Variants in NWD2 observed in about 807,000 individuals in gnomAD.
NWD2 encodes the protein NACHT and WD repeat domain-containing protein 2.
In NWD2, 37 loss-of-function variants were observed where a neutral mutation model predicts 132.7. The observed-to-expected ratio is 0.28, with a 90% CI of 0.21 to 0.37. The LOEUF is 0.37. Ranked by LOEUF, NWD2 falls within the 10% of genes least tolerant of loss-of-function variation. The pLI, the probability that NWD2 is intolerant of heterozygous loss-of-function variation, is 1.00. For missense variants in NWD2, 1,592 were observed against 2,122.4 expected, an observed-to-expected ratio of 0.75 and a Z score of 4.91; for synonymous variants, 705 against 803.0, an observed-to-expected ratio of 0.88 and a Z score of 2.06.
intron 3 of NWD2, among the ~76,000 whole-genome samples, chr4:37,364,013 TC>T: frequency 6.6e-6 from 1 of 150,742 alleles, no homozygotes; most frequent in Admixed American, 6.6e-5. Flanking sequence ...ATGCCTGTAA[TC>T]CCAGCTACTC....
At chr4:37,367,199 ATG>A (rs962301821) in intron 3 of NWD2, among the ~76,000 whole-genome samples, 1 of 151,920 alleles carries the variant, frequency 6.6e-6, no homozygotes, top group African/African-American at 2.4e-5. Flanking sequence ...ACATGTCTAA[ATG>A]TGTGAAAGTT....
At chr4:37,297,174 C>A (rs1291673111) in intron 1 of NWD2, among the ~76,000 whole-genome samples, 1 of 144,714 alleles carries the variant, frequency 6.9e-6, no homozygotes, top group Admixed American at 6.7e-5. Flanking sequence ...GGATCCCTCA[C>A]AGACACCAAA....
intron 1 of NWD2, among the ~76,000 whole-genome samples, chr4:37,253,418 C>G (rs897115130): frequency 2.0e-5 from 3 of 152,156 alleles, no homozygotes; most frequent in African/African-American, 7.2e-5. Flanking sequence ...AAACAAGGAG[C>G]CTGGAGGAGA....
chr4:37,248,821 T>C (rs1352884401), intron 1 of NWD2, among the ~76,000 whole-genome samples: 1 of 152,240 alleles, frequency 6.6e-6, no homozygotes, highest in Non-Finnish European at 1.5e-5. Context: ...TTATTACTGA[T>C]GAAAACAGTG....
Position 37,316,682 on chromosome 4 carries a change from A to T in NWD2, c.152-9254A>T, listed in dbSNP as rs137906717. Reference sequence around the variant, plus strand: ...TTTTCCTTATTGTTTAAACATTGTTAACTTAATTTTCTTGATTATAATAGC... The same window carrying T: ...TTTTCCTTATTGTTTAAACATTGTTTACTTAATTTTCTTGATTATAATAGC... On this transcript the variant is annotated intron_variant, in intron 1 of 6. Transcript: ENST00000309447. 3.3e-3 allele frequency among the ~76,000 whole-genome samples: 499 copies of T among 152,210 alleles called. 4 individuals carry two copies. The highest frequency in any genetic ancestry group is 0.011 in the African/African-American group (465 of 41,530).
rs1022049181 is a variant in NWD2, at chr4:37,370,102, A to C, written c.357+13620A>C. Among the ~76,000 whole-genome samples, 32 of 152,228 alleles carry C rather than the reference A, an allele frequency of 2.1e-4. 1 individual carries two copies. The highest frequency in any genetic ancestry group is 1.3e-4 in the Admixed American group (2 of 15,282). ...CAGTTGGGAAACTACCTGCACAACT[A>C]TTCTGCAGATCTGAACCAAATAATT... On this transcript the variant is annotated intron_variant, in intron 3 of 6. Coordinates refer to ENST00000309447, the MANE Select transcript of NWD2 (RefSeq NM_001144990.2).
chr4:37,307,520 A>G (rs1718733652), intron 1 of NWD2, among the ~76,000 whole-genome samples: 1 of 152,132 alleles, frequency 6.6e-6, no homozygotes, highest in South Asian at 2.1e-4. Context: ...ATTTCATTAT[A>G]TGTGACTTGA....
intron 3 of NWD2, among the ~76,000 whole-genome samples, chr4:37,406,190 A>G (rs1451614623): frequency 6.6e-6 from 1 of 152,250 alleles, no homozygotes; most frequent in Admixed American, 6.5e-5. Context: ...ATAAATGCAG[A>G]GTAAGTGATA....
chr4:37,288,099 G>T (rs772761979), intron 1 of NWD2, among the ~76,000 whole-genome samples: 17 of 152,156 alleles, frequency 1.1e-4, no homozygotes, highest in Admixed American at 5.2e-4. Flanking sequence ...TCGTAAGTGA[G>T]AGTTGAACAT....
chr4:37,412,330 A>G lies in NWD2; in HGVS notation c.358-18242A>G, dbSNP rs192213080. Among the ~76,000 whole-genome samples, 6 of 152,322 alleles carry G rather than the reference A, an allele frequency of 3.9e-5. No homozygotes were observed. In the East Asian group the frequency reaches 1.2e-3, roughly 29 times the overall value. On this transcript the variant is annotated intron_variant, in intron 3 of 6. Transcript: ENST00000309447. ...ATGTGCAAAAATCACAAGCATTCCT[A>G]TACACCAGTAACAGACAAACAGCCA...
intron 3 of NWD2, among the ~76,000 whole-genome samples, chr4:37,377,045 A>G (rs1419656967): frequency 2.1e-4 from 32 of 152,212 alleles, no homozygotes; most frequent in Admixed American, 2.1e-3. Flanking sequence ...TTCCTATTGC[A>G]GAATTCTTAG....
Position 37,444,772 on chromosome 4 carries a change from T to C in NWD2, c.2784T>C (p.Leu928=). 1 of 1,551,938 alleles carries C rather than the reference T, an allele frequency of 6.4e-7. No homozygotes were observed. The highest frequency in any genetic ancestry group is 8.7e-7 in the Non-Finnish European group (1 of 1,147,068). The part of the protein sequence containing the change: ...LLPVVSSLPK[L]RHLLLECDKD... ...CTGTTGTAAGCTCCCTGCCCAAACTTAGACATCTTCTTTTAGAGTGTGATA... is the reference window on the plus strand; with the variant it reads ...CTGTTGTAAGCTCCCTGCCCAAACTCAGACATCTTCTTTTAGAGTGTGATA... The change falls in exon 7 of 7, where the codon CTT becomes CTC. Residue 928 remains leucine (L), a synonymous_variant. Coordinates refer to ENST00000309447, the MANE Select transcript of NWD2 (RefSeq NM_001144990.2). The surrounding 1 kb of genome is among the most constrained non-coding windows in gnomAD (Gnocchi z 4.8).
intron 3 of NWD2, among the ~76,000 whole-genome samples, chr4:37,374,373 CTT>C (rs1720301466): frequency 6.6e-6 from 1 of 152,180 alleles, no homozygotes; most frequent in African/African-American, 2.4e-5. Flanking sequence ...AAAAAGCCCT[CTT>C]TACAAATTAC....
intron 1 of NWD2, among the ~76,000 whole-genome samples, chr4:37,304,496 G>A (rs568916543): frequency 6.6e-6 from 1 of 152,298 alleles, no homozygotes; most frequent in Admixed American, 6.5e-5. Context: ...GACAAGGCAA[G>A]TCTCTTCCAC....
chr4:37,380,006 G>T (rs74358285), intron 3 of NWD2, among the ~76,000 whole-genome samples: 13 of 152,302 alleles, frequency 8.5e-5, no homozygotes, highest in Non-Finnish European at 1.8e-4. Flanking sequence ...ACTTGGCTCC[G>T]CCACTTGTTC....
chr4:37,295,665 G>A (rs907506114), intron 1 of NWD2, among the ~76,000 whole-genome samples: 2 of 152,052 alleles, frequency 1.3e-5, no homozygotes, highest in Admixed American at 6.6e-5. Flanking sequence ...CCATAACTTC[G>A]TCTCCTACCC....
At chr4:37,335,821 A>T (rs1459742255) in intron 2 of NWD2, among the ~76,000 whole-genome samples, 1 of 149,948 alleles carries the variant, frequency 6.7e-6, no homozygotes, top group African/African-American at 2.5e-5. Context: ...CCCTGGTGCC[A>T]AAAAGTTTTG....
At chr4:37,269,429 A>G (rs1234889645) in intron 1 of NWD2, among the ~76,000 whole-genome samples, 15 of 151,950 alleles carry the variant, frequency 9.9e-5, no homozygotes, top group Admixed American at 9.9e-4. Flanking sequence ...TCTTAAGTGT[A>G]CAACTTGAGT....
chr4:37,246,390 G>C (rs1717245884), intron 1 of NWD2, among the ~76,000 whole-genome samples: 1 of 152,112 alleles, frequency 6.6e-6, no homozygotes, highest in African/African-American at 2.4e-5. Context: ...GAAGGAGTTG[G>C]GGAGAGAATC....
Sources: allele counts gnomAD v4.1 joint callset (sites outside exome capture counted in the v4.1 genomes callset), GRCh38; gene constraint gnomAD v4.1.1; non-coding constraint Gnocchi (gnomAD v3.1); transcripts MANE v1.5; gene names NCBI Gene and HGNC (gene_info 2026-07-23, HGNC 2026-07-21).